LIN28B: variants seen among roughly 807,000 people sequenced by gnomAD.
LIN28B encodes the protein protein lin-28 homolog B.
In LIN28B, 5 loss-of-function variants were observed where a neutral mutation model predicts 21.9. The observed-to-expected ratio is 0.23, with a 90% confidence interval of 0.12 to 0.48. LIN28B has a LOEUF of 0.48. Among genes scored for constraint, LIN28B ranks in the 20% least tolerant of loss-of-function variants. The probability of loss-of-function intolerance (pLI) is 0.98; values close to 1 mark genes in which losing one functional copy is unlikely to be tolerated. For missense variants in LIN28B, 245 were observed against 310.5 expected (o/e 0.79, Z 1.58); for synonymous variants, 109 against 111.3 (o/e 0.98, Z 0.13).
chr6:104,956,512 G>T (rs937470634), upstream of LIN28B, among the ~76,000 whole-genome samples: 1 of 151,994 alleles, frequency 6.6e-6, no homozygotes, highest in Non-Finnish European at 1.5e-5. Context: ...AAAAAATTTC[G>T]GGCATAATCA....
intron 2 of LIN28B, among the ~76,000 whole-genome samples, chr6:105,006,849 A>G (rs568225466): frequency 6.6e-6 from 1 of 152,304 alleles, no homozygotes; most frequent in African/African-American, 2.4e-5. Flanking sequence ...AAAAGTACCT[A>G]AGCTATTTTT....
chr6:105,056,577 G>C lies in LIN28B; in HGVS notation c.384-21837G>C, dbSNP rs1176385944. ...CAGGCCAGAACTCCAGTATCTCCCA[G>C]CATTTTGTGGCCTTGGATATTTTTG... On this transcript the variant is annotated intron_variant, in intron 3 of 3. Transcript: ENST00000345080. Among the ~76,000 whole-genome samples, 3 of 152,050 alleles carry C rather than the reference G, an allele frequency of 2.0e-5. No individual in the cohort carries two copies. The East Asian group carries it at 5.8e-4, about 29-fold the overall frequency.
chr6:105,041,743 G>A (rs749866073), intron 3 of LIN28B, among the ~76,000 whole-genome samples: 32 of 152,110 alleles, frequency 2.1e-4, no homozygotes, highest in Non-Finnish European at 4.0e-4. Context: ...CATCACATGG[G>A]ATCTTGCTTA....
At chr6:104,957,805 G>GT in intron 1 of LIN28B, among the ~76,000 whole-genome samples, 1 of 152,040 alleles carries the variant, frequency 6.6e-6, no homozygotes, top group East Asian at 1.9e-4. Context: ...ATCGCATGCT[G>GT]TAATGTAAAA....
At chr6:105,028,277 C>T (rs1771327911) in intron 3 of LIN28B, among the ~76,000 whole-genome samples, 2 of 152,048 alleles carry the variant, frequency 1.3e-5, no homozygotes, top group Non-Finnish European at 2.9e-5. Context: ...ATTTTAAGGA[C>T]TTTGATTCTG....
chr6:104,967,837 C>G (rs1434706817), intron 2 of LIN28B, among the ~76,000 whole-genome samples: 1 of 151,918 alleles, frequency 6.6e-6, no homozygotes, highest in African/African-American at 2.4e-5. Context: ...CACCACCATG[C>G]CTGGCACATG....
At chr6:104,992,488 G>GTGTGT (rs1336764875) in intron 2 of LIN28B, among the ~76,000 whole-genome samples, 2 of 74,200 alleles carry the variant, frequency 2.7e-5, no homozygotes, top group African/African-American at 7.3e-5. Context: ...TTTCTGTTGT[G>GTGTGT]TGTGTGTGTG....
intron 1 of LIN28B, among the ~76,000 whole-genome samples, chr6:104,957,712 G>A (rs1778310994): frequency 6.6e-6 from 1 of 151,966 alleles, no homozygotes; most frequent in South Asian, 2.1e-4. Flanking sequence ...TTTCCTCCTC[G>A]TGCCCGCCGG....
chr6:105,065,746 T>G (rs1308821369), intron 3 of LIN28B, among the ~76,000 whole-genome samples: 1 of 152,252 alleles, frequency 6.6e-6, no homozygotes, highest in African/African-American at 2.4e-5. Context: ...CACATTTTGG[T>G]TAAATCATAC....
intron 2 of LIN28B, among the ~76,000 whole-genome samples, chr6:105,019,187 A>G (rs1467621975): frequency 1.3e-5 from 2 of 152,106 alleles, no homozygotes; most frequent in Admixed American, 6.6e-5. Context: ...ATCTTAGGCA[A>G]TCCAGCCGCC....
chr6:104,969,084 T>C (rs931285269), intron 2 of LIN28B, among the ~76,000 whole-genome samples: 1 of 152,168 alleles, frequency 6.6e-6, no homozygotes, highest in Non-Finnish European at 1.5e-5. Context: ...GTGTAAGCCA[T>C]ACATTTTTTT....
At chr6:104,972,368 C>T (rs1236701753) in intron 2 of LIN28B, among the ~76,000 whole-genome samples, 4 of 152,002 alleles carry the variant, frequency 2.6e-5, no homozygotes, top group South Asian at 2.1e-4. Flanking sequence ...AAAAAAAATA[C>T]ATAACAAAAT....
At chr6:105,031,972 A>C (rs555254171) in intron 3 of LIN28B, among the ~76,000 whole-genome samples, 1 of 152,264 alleles carries the variant, frequency 6.6e-6, no homozygotes, top group South Asian at 2.1e-4. Flanking sequence ...CCTCTGACCT[A>C]TTCTCTTTCA....
chr6:105,005,702 T>A (rs1281638172), intron 2 of LIN28B, among the ~76,000 whole-genome samples: 1 of 152,178 alleles, frequency 6.6e-6, no homozygotes, highest in African/African-American at 2.4e-5. Flanking sequence ...CTCCCACTCA[T>A]GCTTCCTGTG....
chr6:105,049,937 G>A (rs1236780046), intron 3 of LIN28B, among the ~76,000 whole-genome samples: 1 of 152,046 alleles, frequency 6.6e-6, no homozygotes, highest in Non-Finnish European at 1.5e-5. Flanking sequence ...CACACTGATG[G>A]GTCTTGACTT....
intron 3 of LIN28B, among the ~76,000 whole-genome samples, chr6:105,040,536 C>T (rs981874215): frequency 1.3e-5 from 2 of 151,400 alleles, no homozygotes; most frequent in Admixed American, 6.6e-5. Context: ...CTAGTATATA[C>T]CTGATATTAT....
intron 3 of LIN28B, among the ~76,000 whole-genome samples, chr6:105,029,842 C>T (rs545596884): frequency 8.5e-5 from 13 of 152,182 alleles, no homozygotes; most frequent in Non-Finnish European, 1.9e-4. Flanking sequence ...GAGATGTATG[C>T]AGGGCAGCAA....
chr6:105,009,192 A>G (rs1379121708), intron 2 of LIN28B, among the ~76,000 whole-genome samples: 2 of 152,012 alleles, frequency 1.3e-5, no homozygotes, highest in Admixed American at 1.3e-4. Flanking sequence ...ATCTGCACCA[A>G]AAAAAATATA....
chr6:105,041,224 T>G (rs1012609910), intron 3 of LIN28B, among the ~76,000 whole-genome samples: 1 of 152,208 alleles, frequency 6.6e-6, no homozygotes, highest in Non-Finnish European at 1.5e-5. Flanking sequence ...CAATTGGATT[T>G]TAGTAATTCC....
Sources: gnomAD v4.1 joint callset for allele counts (sites outside exome capture counted in the v4.1 genomes callset) on GRCh38, gnomAD v4.1.1 for gene constraint, MANE v1.5 for transcripts, NCBI Gene and HGNC (gene_info 2026-07-23, HGNC 2026-07-21) for gene names.